Variants in SAMD5 observed in about 807,000 individuals in gnomAD.
SAMD5 encodes the protein sterile alpha motif domain containing 5.
SAMD5 carries 13 observed loss-of-function variants against 11.3 expected under a neutral mutation model. That is an observed-to-expected ratio of 1.15 (90% CI 0.75 to 1.83). SAMD5 has a LOEUF of 1.83. Ranked by LOEUF, SAMD5 falls within the 40% of genes most tolerant of loss-of-function variation. SAMD5 has a pLI of 0.00. For missense variants in SAMD5, 255 were observed against 239.1 expected (o/e 1.07, Z -0.44); for synonymous variants, 129 against 111.3 (o/e 1.16, Z -1.00).
the SAMD5 span, among the ~76,000 whole-genome samples, chr6:147,916,322 C>T: frequency 2.0e-5 from 3 of 152,038 alleles, no homozygotes; most frequent in Non-Finnish European, 2.9e-5. Context: ...CTTGAGGAAT[C>T]GCCACACTGT....
chr6:147,810,789 A>G, the SAMD5 span, among the ~76,000 whole-genome samples: 2 of 152,218 alleles, frequency 1.3e-5, no homozygotes, highest in Non-Finnish European at 2.9e-5. Flanking sequence ...TCCCCATTTT[A>G]CAGAAAATAG....
At chr6:147,573,853 G>A (rs1282742828), downstream of SAMD5, among the ~76,000 whole-genome samples, 3 of 152,092 alleles carry the variant, frequency 2.0e-5, no homozygotes, top group South Asian at 2.1e-4. Context: ...TGCCAGGCAC[G>A]GTGGCTCACG....
At chr6:147,645,795 C>A (rs1339999581) in intron 1 of SAMD5, among the ~76,000 whole-genome samples, 1 of 152,160 alleles carries the variant, frequency 6.6e-6, no homozygotes, top group Non-Finnish European at 1.5e-5. Context: ...AATACAGACC[C>A]AGTGCTATCA....
intron 1 of SAMD5, among the ~76,000 whole-genome samples, chr6:147,627,404 C>A (rs1432878422): frequency 6.6e-6 from 1 of 152,092 alleles, no homozygotes; most frequent in African/African-American, 2.4e-5. Context: ...ATAAAGAACC[C>A]TTGGGGGTTT....
chr6:147,821,117 A>G, the SAMD5 span, among the ~76,000 whole-genome samples: 1 of 152,256 alleles, frequency 6.6e-6, no homozygotes, highest in Non-Finnish European at 1.5e-5. Context: ...ATGAATAACA[A>G]ATGAACCAAA....
downstream of SAMD5, among the ~76,000 whole-genome samples, chr6:147,739,431 C>A (rs1791848154): frequency 6.6e-6 from 1 of 152,002 alleles, no homozygotes; most frequent in South Asian, 2.1e-4. Flanking sequence ...TTCATTTCTA[C>A]CAAAAATAAA....
At chr6:147,798,864 T>C in the SAMD5 span, among the ~76,000 whole-genome samples, 3 of 152,208 alleles carry the variant, frequency 2.0e-5, no homozygotes, top group Non-Finnish European at 4.4e-5. Flanking sequence ...GTTTAAAGTC[T>C]GTTTTATCAG....
the SAMD5 span, among the ~76,000 whole-genome samples, chr6:147,760,015 C>T: frequency 2.0e-5 from 3 of 152,198 alleles, no homozygotes; most frequent in African/African-American, 2.4e-5. Flanking sequence ...ATAAATAGGA[C>T]TGTGTCTAAT....
chr6:147,814,107 G>A, the SAMD5 span, among the ~76,000 whole-genome samples: 3 of 152,084 alleles, frequency 2.0e-5, no homozygotes, highest in African/African-American at 7.2e-5. Context: ...ATCTTTATAG[G>A]AAGACTTCAG....
chr6:147,709,111 A>C (rs1791362857), intron 1 of SAMD5, among the ~76,000 whole-genome samples: 1 of 152,200 alleles, frequency 6.6e-6, no homozygotes. Flanking sequence ...TAACTTAAAG[A>C]AAGTTCTTTT....
intron 1 of SAMD5, among the ~76,000 whole-genome samples, chr6:147,545,490 T>A (rs903689483): frequency 1.3e-5 from 2 of 152,148 alleles, no homozygotes; most frequent in African/African-American, 2.4e-5. Flanking sequence ...TGCAATAACT[T>A]GTCTTTGTTC....
intron 1 of SAMD5, among the ~76,000 whole-genome samples, chr6:147,697,453 C>G (rs1361980298): frequency 6.6e-6 from 1 of 152,124 alleles, no homozygotes; most frequent in African/African-American, 2.4e-5. Context: ...AGGCTAGTAA[C>G]ACATAACAAA....
the SAMD5 span, among the ~76,000 whole-genome samples, chr6:147,845,420 C>A: frequency 6.6e-6 from 1 of 152,098 alleles, no homozygotes; most frequent in Non-Finnish European, 1.5e-5. Flanking sequence ...AATTAAAAAT[C>A]TTTGCTCTGT....
At chr6:147,796,885 T>C in the SAMD5 span, among the ~76,000 whole-genome samples, 1 of 149,682 alleles carries the variant, frequency 6.7e-6, no homozygotes, top group Non-Finnish European at 1.5e-5. Flanking sequence ...TGTTGGTGTA[T>C]AGGAATGCTT....
chr6:147,618,302 GC>G (rs1789903679), intron 1 of SAMD5, among the ~76,000 whole-genome samples: 1 of 152,176 alleles, frequency 6.6e-6, no homozygotes, highest in African/African-American at 2.4e-5. Context: ...AAATTGACCA[GC>G]CTGTGTTTAA....
At chr6:147,699,041 T>TA (rs1791217122) in intron 1 of SAMD5, among the ~76,000 whole-genome samples, 1 of 151,944 alleles carries the variant, frequency 6.6e-6, no homozygotes, top group Non-Finnish European at 1.5e-5. Context: ...TTAGAGGAGG[T>TA]TGGAGGCTCA....
downstream of SAMD5, among the ~76,000 whole-genome samples, chr6:147,739,884 A>G (rs1162239274): frequency 6.6e-6 from 1 of 152,080 alleles, no homozygotes; most frequent in Admixed American, 6.5e-5. Flanking sequence ...CAGCGGCATG[A>G]TATCAGCTCA....
the SAMD5 span, among the ~76,000 whole-genome samples, chr6:147,827,475 G>A: frequency 0.14 from 22,025 of 152,058 alleles, 1,726 homozygotes; most frequent in Middle Eastern, 0.22. Flanking sequence ...ACAATAGAGC[G>A]GAACCTGTAC....
At position 147,566,131 on chromosome 6, in the gene SAMD5, G is replaced by C; in HGVS notation, c.*1675G>C. The C allele has an allele frequency of 1.0e-6, 1 of 980,688 alleles. No homozygotes were observed. The highest frequency in any genetic ancestry group is 1.2e-6 in the Non-Finnish European group (1 of 825,708). 60.7% of individuals were successfully genotyped at this position (980,688 alleles called of 1,614,324 possible). On this transcript the variant is annotated 3_prime_UTR_variant, in exon 2 of 2. Coordinates refer to ENST00000367474, the MANE Select transcript of SAMD5 (RefSeq NM_001030060.3). ...AAAAATCTGAAGTTTAAATAGTTTAGCTATTTCTGTAGGTTAATTCAGGCA... is the reference window on the plus strand; with the variant it reads ...AAAAATCTGAAGTTTAAATAGTTTACCTATTTCTGTAGGTTAATTCAGGCA...
Sources: allele counts gnomAD v4.1 joint callset (sites outside exome capture counted in the v4.1 genomes callset), GRCh38; gene constraint gnomAD v4.1.1; transcripts MANE v1.5; gene names NCBI Gene and HGNC (gene_info 2026-07-23, HGNC 2026-07-21).